ZDHHC12: variants seen among roughly 807,000 people sequenced by gnomAD.
ZDHHC12 encodes zDHHC palmitoyltransferase 12.
A neutral mutation model predicts 33.2 loss-of-function variants in ZDHHC12; 26 were observed. That is an observed-to-expected ratio of 0.78 (90% CI 0.57 to 1.09). The LOEUF (loss-of-function observed/expected upper bound fraction) is 1.09, where lower values mean the gene tolerates loss of function less well. Among genes scored for constraint, ZDHHC12 ranks in the 50% least tolerant of loss-of-function variants. The probability of loss-of-function intolerance (pLI) is 0.00; values close to 1 mark genes in which losing one functional copy is unlikely to be tolerated. For missense variants in ZDHHC12, 350 were observed against 353.0 expected (o/e 0.99, Z 0.07); for synonymous variants, 154 against 152.1 (o/e 1.01, Z -0.09).
rs1862585485 is a variant in ZDHHC12, at chr9:128,722,233, C to A, written c.238-147G>T. The A allele has an allele frequency of 1.3e-5, 15 of 1,151,836 alleles. No individual in the cohort carries two copies. The South Asian group carries it at 2.1e-4, about 16-fold the overall frequency. 71.4% of individuals were successfully genotyped at this position (1,151,836 alleles called of 1,614,324 possible). On this transcript the variant is annotated intron_variant, in intron 2 of 4. Transcript: ENST00000372663. This position sits in a 1 kb window ranked among gnomAD's most constrained non-coding sequence, Gnocchi z 4.2. The stretch of plus-strand genomic sequence containing the variant: ...TGGAGGTGTGGGGTATGGCGGAGCA[C>A]CCTGGACTGAGGGCGGCTGTGTATG...
chr9:128,723,740 C>T lies in ZDHHC12; in HGVS notation c.100+254G>A. Reference sequence around the variant, plus strand: ...GTCGGTCCTTGGATCTGGTGGGCACCGGCTGGGTCCTGGGATGGACAGGGC... The same window carrying T: ...GTCGGTCCTTGGATCTGGTGGGCACTGGCTGGGTCCTGGGATGGACAGGGC... On this transcript the variant is annotated intron_variant, in intron 1 of 4. Transcript: ENST00000372663. The surrounding 1 kb of genome is among the most constrained non-coding windows in gnomAD (Gnocchi z 4.4). 1 of 556,080 alleles carries T rather than the reference C, an allele frequency of 1.8e-6. No individual in the cohort carries two copies. Among genetic ancestry groups the T allele is most frequent in the South Asian group, 2.8e-5 (1 of 35,820 alleles). The allele number at this position is 556,080 out of a possible 1,614,324, so 34.4% of individuals were successfully genotyped here.
Position 128,722,003 on chromosome 9 carries a change from A to G in ZDHHC12, c.315+6T>C. The G allele has an allele frequency of 6.2e-7, 1 of 1,613,708 alleles. No homozygotes were observed. The highest frequency in any genetic ancestry group is 8.5e-7 in the Non-Finnish European group (1 of 1,179,904). ...CCTCTCCCACGGGTGTCCGTGCATC[A>G]CTCACCAGCACCAGGCAGTATCTGC... On this transcript the variant is annotated splice_donor_region_variant and intron_variant, in intron 3 of 4. Coordinates refer to ENST00000372663, the MANE Select transcript of ZDHHC12 (RefSeq NM_032799.5). The surrounding 1 kb of genome is among the most constrained non-coding windows in gnomAD (Gnocchi z 4.2).
Position 128,721,562 on chromosome 9 carries a change from C to A in ZDHHC12, c.483-60G>T, listed in dbSNP as rs1254407932. ...GAGGGCAGGGGAGCCCTTCCCTCCC[C>A]ATGCCGGGTCCCTGGGAGTCCTGGC... On this transcript the variant is annotated intron_variant, in intron 4 of 4. Coordinates refer to ENST00000372663, the MANE Select transcript of ZDHHC12 (RefSeq NM_032799.5). The surrounding 1 kb of genome is among the most constrained non-coding windows in gnomAD (Gnocchi z 6.9). The A allele has an allele frequency of 6.3e-7, 1 of 1,587,622 alleles. No individual in the cohort carries two copies. The highest frequency in any genetic ancestry group is 1.7e-5 in the Admixed American group (1 of 57,816).
Position 128,722,698 on chromosome 9 carries a change from A to G in ZDHHC12, c.101-124T>C, listed in dbSNP as rs758995059. On this transcript the variant is annotated intron_variant, in intron 1 of 4. Coordinates refer to ENST00000372663, the MANE Select transcript of ZDHHC12 (RefSeq NM_032799.5). This position sits in a 1 kb window ranked among gnomAD's most constrained non-coding sequence, Gnocchi z 4.2. ...GCAAAGGCCTGGAGATGTTGGTTCCATGAGTGGCTGTGTGTGGCCAGCAGT... is the reference window on the plus strand; with the variant it reads ...GCAAAGGCCTGGAGATGTTGGTTCCGTGAGTGGCTGTGTGTGGCCAGCAGT... The G allele has an allele frequency of 2.0e-6, 3 of 1,478,218 alleles. No homozygotes were observed. Among genetic ancestry groups the G allele is most frequent in the East Asian group, 2.5e-5 (1 of 39,298 alleles). 91.6% of individuals were successfully genotyped at this position (1,478,218 alleles called of 1,614,324 possible).
chr9:128,722,223 T>C lies in ZDHHC12; in HGVS notation c.238-137A>G. 8.3e-7 allele frequency: 1 copy of C among 1,201,844 alleles called. No homozygotes were observed. The highest frequency in any genetic ancestry group is 1.2e-6 in the Non-Finnish European group (1 of 840,860). 74.4% of individuals were successfully genotyped at this position (1,201,844 alleles called of 1,614,324 possible). ...CCATGCAGAATGGAGGTGTGGGGTA[T>C]GGCGGAGCACCCTGGACTGAGGGCG... is the stretch of plus-strand genomic sequence containing the variant. On this transcript the variant is annotated intron_variant, in intron 2 of 4. Coordinates refer to ENST00000372663, the MANE Select transcript of ZDHHC12 (RefSeq NM_032799.5). This position sits in a 1 kb window ranked among gnomAD's most constrained non-coding sequence, Gnocchi z 4.2.
At position 128,721,492 on chromosome 9, in the gene ZDHHC12, G is replaced by A. The variant is rs550291689; in HGVS notation, c.493C>T (p.Arg165Trp). ...CACTGACCCCAGGGCTGGAAGAACC[G>A]GAGGCCTGACCTGCGGTGCAGGGGA... The part of the protein sequence containing the change: ...WGLYLAWSGL[R>W]FFQPWGQWLR... Residue 165 changes from arginine (R) to tryptophan (W), a missense_variant, in exon 5 of 5, where the codon CGG becomes TGG. Transcript: ENST00000372663. This position sits in a 1 kb window ranked among gnomAD's most constrained non-coding sequence, Gnocchi z 6.9. 1.0e-5 allele frequency: 16 copies of A among 1,599,218 alleles called. No individual in the cohort carries two copies. The highest frequency in any genetic ancestry group is 1.8e-5 in the Admixed American group (1 of 56,482).
chr9:128,723,885 G>C lies in ZDHHC12; in HGVS notation c.100+109C>G, dbSNP rs1862642969. ...GGGCTTCAGGAGCTGGTGGAGATCG[G>C]GCCAATCCCAGGATCTCCAGGGATT... is the stretch of plus-strand genomic sequence containing the variant. On this transcript the variant is annotated intron_variant, in intron 1 of 4. Coordinates refer to ENST00000372663, the MANE Select transcript of ZDHHC12 (RefSeq NM_032799.5). This position sits in a 1 kb window ranked among gnomAD's most constrained non-coding sequence, Gnocchi z 4.4. 6.1e-6 allele frequency: 9 copies of C among 1,480,166 alleles called. No individual in the cohort carries two copies. The highest frequency in any genetic ancestry group is 1.4e-5 in the African/African-American group (1 of 71,402). The allele number at this position is 1,480,166 out of a possible 1,614,324, so 91.7% of individuals were successfully genotyped here.
At position 128,721,927 on chromosome 9, in the gene ZDHHC12, G is replaced by T; in HGVS notation, c.315+82C>A. On this transcript the variant is annotated intron_variant, in intron 3 of 4. Transcript: ENST00000372663. The surrounding 1 kb of genome is among the most constrained non-coding windows in gnomAD (Gnocchi z 6.9). ...GAAGGCCTTCTTGGAGGAGGGGCGA[G>T]GCCCAGGCAGTGGGGCAGGAGGAGG... The T allele has an allele frequency of 6.2e-7, 1 of 1,607,198 alleles. No homozygotes were observed. The highest frequency in any genetic ancestry group is 8.5e-7 in the Non-Finnish European group (1 of 1,175,394).
rs868470103 is a variant in ZDHHC12, at chr9:128,722,373, G to A, written c.237+65C>T. 7.6e-6 allele frequency: 11 copies of A among 1,452,948 alleles called. No individual in the cohort carries two copies. The African/African-American group carries it at 1.4e-4, about 19-fold the overall frequency. The allele number at this position is 1,452,948 out of a possible 1,614,324, so 90.0% of individuals were successfully genotyped here. On this transcript the variant is annotated intron_variant, in intron 2 of 4. Coordinates refer to ENST00000372663, the MANE Select transcript of ZDHHC12 (RefSeq NM_032799.5). This position sits in a 1 kb window ranked among gnomAD's most constrained non-coding sequence, Gnocchi z 4.2. Reference sequence around the variant, plus strand: ...CTCCCACAAGAGCCTGCAGCACAGAGCCTGGCATGGAGACTGGTGCTGGTT... The same window carrying A: ...CTCCCACAAGAGCCTGCAGCACAGAACCTGGCATGGAGACTGGTGCTGGTT...
Position 128,721,769 on chromosome 9 carries a change from G to A in ZDHHC12, c.364C>T (p.Arg122Cys), listed in dbSNP as rs1452543380. 13 of 1,613,514 alleles carry A rather than the reference G, an allele frequency of 8.1e-6. No individual in the cohort carries two copies. Among genetic ancestry groups the A allele is most frequent in the East Asian group, 2.2e-5 (1 of 44,890 alleles). The change falls in exon 4 of 5, where the codon CGC becomes TGC. Residue 122 changes from arginine (R) to cysteine (C), a missense_variant. Transcript: ENST00000372663. The surrounding 1 kb of genome is among the most constrained non-coding windows in gnomAD (Gnocchi z 6.9). ...ATCCAGGGGCAGTGGTGGTCGTAGC[G>A]GCGGACGCAACGGCGGCACTCACGG... ...HCRECRRCVR[R>C]YDHHCPWMEN...
chr9:128,723,884 G>T lies in ZDHHC12; in HGVS notation c.100+110C>A. On this transcript the variant is annotated intron_variant, in intron 1 of 4. Transcript: ENST00000372663. This position sits in a 1 kb window ranked among gnomAD's most constrained non-coding sequence, Gnocchi z 4.4. ...AGGGCTTCAGGAGCTGGTGGAGATC[G>T]GGCCAATCCCAGGATCTCCAGGGAT... is the stretch of plus-strand genomic sequence containing the variant. 6.8e-7 allele frequency: 1 copy of T among 1,468,560 alleles called. No homozygotes were observed. Among genetic ancestry groups the T allele is most frequent in the East Asian group, 2.6e-5 (1 of 39,028 alleles). 91.0% of individuals were successfully genotyped at this position (1,468,560 alleles called of 1,614,324 possible).
chr9:128,723,194 T>C lies in ZDHHC12; in HGVS notation c.101-620A>G, dbSNP rs2417122. 1 allele frequency: 151,879 copies of C among 152,458 alleles called. 75,654 individuals carry two copies. The highest frequency in any genetic ancestry group is 1 in the Middle Eastern group (296 of 296). 9.4% of individuals were successfully genotyped at this position (152,458 alleles called of 1,614,324 possible). A position where few individuals can be genotyped will look rare whatever the true frequency, so the allele number is the denominator to read the frequency against. On this transcript the variant is annotated intron_variant, in intron 1 of 4. Transcript: ENST00000372663. The surrounding 1 kb of genome is among the most constrained non-coding windows in gnomAD (Gnocchi z 4.4). The stretch of plus-strand genomic sequence containing the variant: ...CAGACAGCAGAGTGTAGACAAATCC[T>C]GTGTCCCTTGGTTGTAAGGGGGAGC...
Position 128,722,540 on chromosome 9 carries a change from G to A in ZDHHC12, c.135C>T (p.Leu45=). 1 of 1,592,188 alleles carries A rather than the reference G, an allele frequency of 6.3e-7. No homozygotes were observed. ...CCAGGAGCAGGAAGGTGAGGGGCAG[G>A]AGCAGCTCCCCCTGCTCCTCCCATT... ...LRQWEEQGEL[L]LPLTFLLLVL... The change falls in exon 2 of 5, where the codon CTC becomes CTT. Residue 45 remains leucine, a synonymous_variant. Coordinates refer to ENST00000372663, the MANE Select transcript of ZDHHC12 (RefSeq NM_032799.5). This position sits in a 1 kb window ranked among gnomAD's most constrained non-coding sequence, Gnocchi z 4.2.
chr9:128,721,274 G>T lies in ZDHHC12; in HGVS notation c.711C>A (p.Arg237=). 6.2e-7 allele frequency: 1 copy of T among 1,602,162 alleles called. No individual in the cohort carries two copies. Residue 237 remains arginine (R), a synonymous_variant, in exon 5 of 5, where the codon CGC becomes CGA. Coordinates refer to ENST00000372663, the MANE Select transcript of ZDHHC12 (RefSeq NM_032799.5). This position sits in a 1 kb window ranked among gnomAD's most constrained non-coding sequence, Gnocchi z 6.9. ...PSNPFDRGLT[R]NLAHFFCGWP... Reference sequence around the variant, plus strand: ...ATCCACAGAAGAAGTGGGCCAGGTTGCGGGTCAGGCCTCGGTCGAAGGGGT... The same window carrying T: ...ATCCACAGAAGAAGTGGGCCAGGTTTCGGGTCAGGCCTCGGTCGAAGGGGT...
Position 128,724,025 on chromosome 9 carries a change from TCCCCAGGTCAGCACGGTGTG to T in ZDHHC12, c.49_68del (p.His17AsnfsTer92). 6.2e-7 allele frequency: 1 copy of T among 1,612,926 alleles called. No homozygotes were observed. Among genetic ancestry groups the T allele is most frequent in the Non-Finnish European group, 8.5e-7 (1 of 1,179,480 alleles). On this transcript the variant is annotated frameshift_variant, in exon 1 of 5. Coordinates refer to ENST00000372663, the MANE Select transcript of ZDHHC12 (RefSeq NM_032799.5). LOFTEE classifies it high-confidence loss of function. ...CGTGCAGGAAGAGCACCAGCGTGAT[TCCCCAGGTCAGCACGGTGTG>T]CCCGGTCCGCACCAGGACCCCAGGG...
chr9:128,721,008 T>C lies in ZDHHC12; in HGVS notation c.*173A>G. The C allele has an allele frequency of 1.4e-6, 1 of 736,064 alleles. No homozygotes were observed. Among genetic ancestry groups the C allele is most frequent in the Non-Finnish European group, 2.1e-6 (1 of 469,930 alleles). 45.6% of individuals were successfully genotyped at this position (736,064 alleles called of 1,614,324 possible). A position where few individuals can be genotyped will look rare whatever the true frequency, so the allele number is the denominator to read the frequency against. Reference sequence around the variant, plus strand: ...CAGGTCCTTTTCTTCCCCTTCTTCCTTGGAAGGCAGAACTGCCCACCAAGG... The same window carrying C: ...CAGGTCCTTTTCTTCCCCTTCTTCCCTGGAAGGCAGAACTGCCCACCAAGG... On this transcript the variant is annotated 3_prime_UTR_variant, in exon 5 of 5. Transcript: ENST00000372663. The surrounding 1 kb of genome is among the most constrained non-coding windows in gnomAD (Gnocchi z 6.9).
Position 128,721,067 on chromosome 9 carries a change from G to A in ZDHHC12, c.*114C>T. The A allele has an allele frequency of 9.2e-7, 1 of 1,083,462 alleles. No individual in the cohort carries two copies. Among genetic ancestry groups the A allele is most frequent in the Non-Finnish European group, 1.3e-6 (1 of 779,238 alleles). 67.1% of individuals were successfully genotyped at this position (1,083,462 alleles called of 1,614,324 possible). ...TGTCTGACTTGAAGCTCCGTTCTGG[G>A]GTCTGGGAGGCGTGGGCAGGAGTGA... On this transcript the variant is annotated 3_prime_UTR_variant, in exon 5 of 5. Transcript: ENST00000372663. The surrounding 1 kb of genome is among the most constrained non-coding windows in gnomAD (Gnocchi z 6.9).
In ZDHHC12 at chr9:128,724,061, G is replaced by A. The variant is rs11539208; in HGVS notation, c.33C>T (p.Val11=). The part of the protein sequence containing the change: MAPWALLSPG[V]LVRTGHTVLT... ...GCACGGTGTGCCCGGTCCGCACCAG[G>A]ACCCCAGGGCTGAGGAGCGCCCAGG... The change falls in exon 1 of 5, where the codon GTC becomes GTT. Residue 11 remains valine, a synonymous_variant. Transcript: ENST00000372663. 4 of 1,609,410 alleles carry A rather than the reference G, an allele frequency of 2.5e-6. No individual in the cohort carries two copies. The highest frequency in any genetic ancestry group is 1.1e-5 in the South Asian group (1 of 90,582).
In ZDHHC12 at chr9:128,721,056, C is replaced by G; in HGVS notation, c.*125G>C. Reference sequence around the variant, plus strand: ...AGGCAGGGATCTGTCTGACTTGAAGCTCCGTTCTGGGGTCTGGGAGGCGTG... The same window carrying G: ...AGGCAGGGATCTGTCTGACTTGAAGGTCCGTTCTGGGGTCTGGGAGGCGTG... On this transcript the variant is annotated 3_prime_UTR_variant, in exon 5 of 5. Coordinates refer to ENST00000372663, the MANE Select transcript of ZDHHC12 (RefSeq NM_032799.5). The surrounding 1 kb of genome is among the most constrained non-coding windows in gnomAD (Gnocchi z 6.9). 2 of 995,438 alleles carry G rather than the reference C, an allele frequency of 2.0e-6. No individual in the cohort carries two copies. The highest frequency in any genetic ancestry group is 1.6e-5 in the African/African-American group (1 of 61,248). 61.7% of individuals were successfully genotyped at this position (995,438 alleles called of 1,614,324 possible).
Sources: allele counts gnomAD v4.1 joint callset, GRCh38; gene constraint gnomAD v4.1.1; non-coding constraint Gnocchi (gnomAD v3.1); transcripts MANE v1.5; gene names NCBI Gene and HGNC (gene_info 2026-07-23, HGNC 2026-07-21).